Variants in ADAMTSL1 observed in about 807,000 individuals in gnomAD.
The protein encoded by ADAMTSL1 is ADAMTS-like protein 1.
A neutral mutation model predicts 201.8 loss-of-function variants in ADAMTSL1; 126 were observed. The observed-to-expected ratio is 0.62, with a 90% confidence interval of 0.54 to 0.72. The LOEUF is 0.72. Among genes scored for constraint, ADAMTSL1 ranks in the 30% least tolerant of loss-of-function variants. The probability of loss-of-function intolerance (pLI) is 0.00; values close to 1 mark genes in which losing one functional copy is unlikely to be tolerated. For missense variants in ADAMTSL1, 2,679 were observed against 2,277.8 expected (o/e 1.18, Z -3.59); for synonymous variants, 1,121 against 903.4 (o/e 1.24, Z -4.32).
chr9:18,155,223 A>C (rs2132059845), intron 1 of ADAMTSL1, among the ~76,000 whole-genome samples: 1 of 152,214 alleles, frequency 6.6e-6, no homozygotes, highest in Non-Finnish European at 1.5e-5. Flanking sequence ...AATGTGAGTT[A>C]GATTGCCCAG....
intron 1 of ADAMTSL1, among the ~76,000 whole-genome samples, chr9:17,946,422 T>C (rs1827477180): frequency 6.6e-6 from 1 of 152,156 alleles, no homozygotes; most frequent in Admixed American, 6.6e-5. Context: ...AATGTATAAT[T>C]ATTTCACCCC....
chr9:18,222,957 G>C (rs1830320425), intron 2 of ADAMTSL1, among the ~76,000 whole-genome samples: 1 of 151,840 alleles, frequency 6.6e-6, no homozygotes. Flanking sequence ...TAGATAATCT[G>C]TCTTTTCTGT....
At chr9:18,855,930 T>A (rs1029059210) in intron 23 of ADAMTSL1, among the ~76,000 whole-genome samples, 1 of 152,138 alleles carries the variant, frequency 6.6e-6, no homozygotes, top group Non-Finnish European at 1.5e-5. Flanking sequence ...GAAAAAGAAT[T>A]TAGGCACAGA....
At chr9:18,456,980 C>T (rs1241359438) in intron 2 of ADAMTSL1, among the ~76,000 whole-genome samples, 1 of 152,230 alleles carries the variant, frequency 6.6e-6, no homozygotes, top group East Asian at 1.9e-4. Context: ...ATTCATTTAG[C>T]ATCTAGAACA....
At chr9:17,941,372 C>G (rs1214865547) in intron 1 of ADAMTSL1, among the ~76,000 whole-genome samples, 4 of 152,176 alleles carry the variant, frequency 2.6e-5, no homozygotes, top group Non-Finnish European at 5.9e-5. Context: ...ATGTAGTTAG[C>G]CAGTGTTACC....
chr9:18,675,022 G>A (rs577289207), intron 9 of ADAMTSL1, among the ~76,000 whole-genome samples: 1 of 151,998 alleles, frequency 6.6e-6, no homozygotes. Context: ...CATCCTAAAG[G>A]CCTCCAGGAA....
intron 19 of ADAMTSL1, among the ~76,000 whole-genome samples, chr9:18,781,256 A>G (rs955541032): frequency 1.3e-5 from 2 of 152,178 alleles, no homozygotes; most frequent in African/African-American, 2.4e-5. Flanking sequence ...GGGGGAGGGT[A>G]GCACTAAGAG....
At chr9:18,006,342 A>T (rs1819825528) in intron 1 of ADAMTSL1, among the ~76,000 whole-genome samples, 2 of 151,972 alleles carry the variant, frequency 1.3e-5, no homozygotes, top group East Asian at 3.9e-4. Context: ...TATAGAATTT[A>T]ATTTTTAGTA....
At chr9:18,901,070 C>T (rs1016567432) in intron 26 of ADAMTSL1, among the ~76,000 whole-genome samples, 1 of 151,908 alleles carries the variant, frequency 6.6e-6, no homozygotes. Flanking sequence ...CCTGAGGCCT[C>T]ACCACAAGCA....
intron 2 of ADAMTSL1, among the ~76,000 whole-genome samples, chr9:18,310,710 T>C (rs1036737928): frequency 2.0e-5 from 3 of 152,126 alleles, no homozygotes; most frequent in African/African-American, 7.2e-5. Flanking sequence ...AAACAACAGA[T>C]GCTAGAGAGG....
At chr9:17,924,558 C>T (rs1402507738) in intron 1 of ADAMTSL1, among the ~76,000 whole-genome samples, 2 of 150,488 alleles carry the variant, frequency 1.3e-5, no homozygotes, top group Admixed American at 1.3e-4. Context: ...CGCATACCTA[C>T]AACTATCTGA....
chr9:18,146,591 T>A (rs1240177579), intron 1 of ADAMTSL1, among the ~76,000 whole-genome samples: 1 of 152,154 alleles, frequency 6.6e-6, no homozygotes, highest in East Asian at 1.9e-4. Context: ...CACAGGGGAC[T>A]TTTTAGAGTG....
At chr9:18,710,673 T>TG (rs1832521819) in intron 14 of ADAMTSL1, among the ~76,000 whole-genome samples, 1 of 146,684 alleles carries the variant, frequency 6.8e-6, no homozygotes, top group African/African-American at 2.5e-5. Flanking sequence ...TTTGTTTTGT[T>TG]TTTTTTTTTT....
In ADAMTSL1 at chr9:18,721,891, C is replaced by G. The variant is rs73435546; in HGVS notation, c.2006+226C>G. On this transcript the variant is annotated intron_variant, in intron 15 of 28. Coordinates refer to ENST00000380548, the MANE Select transcript of ADAMTSL1 (RefSeq NM_001040272.6). The stretch of plus-strand genomic sequence containing the variant: ...GAATCTGGAAGATACCGTGCATTCA[C>G]TTGAGCCTGTGGCATGGCTGGTATG... Among the ~76,000 whole-genome samples the G allele has an allele frequency of 7.7e-3, 1,170 of 152,374 alleles. 15 individuals carry two copies. Among genetic ancestry groups the G allele is most frequent in the African/African-American group, 0.027 (1,119 of 41,584 alleles).
In ADAMTSL1 at chr9:18,132,299, G is replaced by A. The variant is rs139916959; in HGVS notation, c.88-31563G>A. On this transcript the variant is annotated intron_variant, in intron 1 of 29. Coordinates refer to the ADAMTSL1 transcript ENST00000680146. ...CCATATTTTAATTTTGAAATGCATC[G>A]TGTGTATATTTTTTCCCGTCTACCT... Among the ~76,000 whole-genome samples, 374 of 152,168 alleles carry A rather than the reference G, an allele frequency of 2.5e-3. 5 individuals are homozygous for A. Among genetic ancestry groups the A allele is most frequent in the African/African-American group, 8.5e-3 (354 of 41,526 alleles).
intron 9 of ADAMTSL1, among the ~76,000 whole-genome samples, chr9:18,664,882 C>T (rs1829334599): frequency 6.6e-6 from 1 of 151,898 alleles, no homozygotes; most frequent in African/African-American, 2.4e-5. Flanking sequence ...CCTGTTGTTC[C>T]ACAGTTTTTT....
intron 3 of ADAMTSL1, among the ~76,000 whole-genome samples, chr9:18,535,952 A>C (rs1819746131): frequency 6.6e-6 from 1 of 152,114 alleles, no homozygotes; most frequent in Non-Finnish European, 1.5e-5. Context: ...ACACAGCCAA[A>C]TCATATCAGA....
intron 1 of ADAMTSL1, among the ~76,000 whole-genome samples, chr9:18,042,142 A>C (rs764069743): frequency 2.0e-5 from 3 of 151,972 alleles, no homozygotes; most frequent in African/African-American, 4.8e-5. Context: ...TGGAATTGAT[A>C]ATTGATTTCT....
chr9:18,087,302 G>A (rs572136120), intron 1 of ADAMTSL1, among the ~76,000 whole-genome samples: 23 of 152,192 alleles, frequency 1.5e-4, no homozygotes, highest in African/African-American at 3.9e-4. Flanking sequence ...TTAACAATGA[G>A]TGTATTTTAT....
Sources: allele counts gnomAD v4.1 joint callset (sites outside exome capture counted in the v4.1 genomes callset), GRCh38; gene constraint gnomAD v4.1.1; transcripts MANE v1.5; gene names NCBI Gene and HGNC (gene_info 2026-07-23, HGNC 2026-07-21).